The following WDPCP variants were observed in gnomAD, a reference collection of about 807,000 sequenced individuals.
The protein encoded by WDPCP is WD repeat containing planar cell polarity effector, also known as WD repeat-containing and planar cell polarity effector protein fritz homolog.
In WDPCP, 71 loss-of-function variants were observed where a neutral mutation model predicts 93.1. That is an observed-to-expected ratio of 0.76 (90% CI 0.63 to 0.93). WDPCP has a LOEUF of 0.93. Ranked by LOEUF, WDPCP falls within the 40% of genes least tolerant of loss-of-function variation. The pLI, the probability that WDPCP is intolerant of heterozygous loss-of-function variation, is 0.00. For synonymous variants in WDPCP, 315 were observed against 315.0 expected (o/e 1.00, Z 0.00); for missense variants, 844 against 887.4 (o/e 0.95, Z 0.62).
chr2:63,313,670 T>C (rs1686360691), intron 12 of WDPCP, among the ~76,000 whole-genome samples: 1 of 151,892 alleles, frequency 6.6e-6, no homozygotes, highest in Non-Finnish European at 1.5e-5. Context: ...TTGTGTTTAT[T>C]TTGTGAATGA....
At position 63,404,169 on chromosome 2, in the gene WDPCP, A is replaced by T. The variant is rs754774783; in HGVS notation, c.1314T>A (p.Leu438=). The part of the protein sequence containing the change: ...FSKLFDASSS[L]VQMQWIAPQV... ...GAGGAGCTATCCATTGCATTTGAAC[A>T]AGACTGCTGGAGGCATCAAATAATT... Residue 438 remains leucine (L), a synonymous_variant, in exon 10 of 18, where the codon CTT becomes CTA. Coordinates refer to ENST00000272321, the MANE Select transcript of WDPCP (RefSeq NM_015910.7). 1 of 1,614,138 alleles carries T rather than the reference A, an allele frequency of 6.2e-7. No individual in the cohort carries two copies. Among genetic ancestry groups the T allele is most frequent in the East Asian group, 2.2e-5 (1 of 44,884 alleles).
intron 14 of WDPCP, among the ~76,000 whole-genome samples, chr2:63,187,734 T>G (rs546094771): frequency 3.0e-4 from 46 of 152,338 alleles, no homozygotes; most frequent in Non-Finnish European, 5.9e-4. Context: ...ATACAAGAAT[T>G]AAAAGTGGAT....
At chr2:63,804,905 G>A (rs1670742626) in intron 2 of WDPCP, among the ~76,000 whole-genome samples, 1 of 151,984 alleles carries the variant, frequency 6.6e-6, no homozygotes. Flanking sequence ...GTGGGTGCCT[G>A]TAATTCCAGC....
chr2:63,132,382 T>C (rs1670346452), intron 17 of WDPCP, among the ~76,000 whole-genome samples: 1 of 151,922 alleles, frequency 6.6e-6, no homozygotes, highest in African/African-American at 2.4e-5. Flanking sequence ...TCTATTTCTA[T>C]CCTCAGATTG....
intron 6 of WDPCP, among the ~76,000 whole-genome samples, chr2:63,470,685 T>C (rs1472200151): frequency 1.3e-5 from 2 of 152,196 alleles, no homozygotes; most frequent in Non-Finnish European, 2.9e-5. Context: ...TTGAAACATA[T>C]TTCTCCACTC....
intron 3 of WDPCP, chr2:63,595,344 T>C: frequency 1.1e-6 from 1 of 897,658 alleles, no homozygotes. Context: ...ACATACCAAA[T>C]AAAAACTATG....
intron 2 of WDPCP, among the ~76,000 whole-genome samples, chr2:63,787,031 G>A (rs1670476941): frequency 6.6e-6 from 1 of 152,152 alleles, no homozygotes; most frequent in Admixed American, 6.6e-5. Context: ...TACATTCGTT[G>A]ATCATGACAA....
intron 3 of WDPCP, among the ~76,000 whole-genome samples, chr2:63,635,212 A>C (rs1207461313): frequency 1.3e-5 from 2 of 152,088 alleles, no homozygotes; most frequent in African/African-American, 4.8e-5. Context: ...AATAATAAGA[A>C]CATTGAATCA....
chr2:63,390,847 T>C (rs1045340099), intron 10 of WDPCP, among the ~76,000 whole-genome samples: 1 of 152,098 alleles, frequency 6.6e-6, no homozygotes, highest in African/African-American at 2.4e-5. Flanking sequence ...CAGAAAGAAG[T>C]TGAATCTCTG....
chr2:63,364,905 T>C (rs1411043891), intron 12 of WDPCP, among the ~76,000 whole-genome samples: 1 of 152,184 alleles, frequency 6.6e-6, no homozygotes, highest in Non-Finnish European at 1.5e-5. Context: ...GTAATACACT[T>C]TGAGGGATAT....
At chr2:63,809,502 G>A (rs1432096350) in intron 2 of WDPCP, among the ~76,000 whole-genome samples, 68 of 152,354 alleles carry the variant, frequency 4.5e-4, no homozygotes, top group African/African-American at 2.4e-4. Flanking sequence ...TTGAGAAATC[G>A]GATGGTTGCC....
At chr2:63,250,792 G>A (rs1455049300) in intron 14 of WDPCP, among the ~76,000 whole-genome samples, 2 of 152,144 alleles carry the variant, frequency 1.3e-5, no homozygotes, top group Non-Finnish European at 2.9e-5. Flanking sequence ...TATCCTTCAA[G>A]TATTTAGCCA....
intron 10 of WDPCP, among the ~76,000 whole-genome samples, chr2:63,390,119 A>T (rs1390802389): frequency 6.6e-6 from 1 of 152,222 alleles, no homozygotes; most frequent in Non-Finnish European, 1.5e-5. Context: ...CATTGCACTT[A>T]TTCTAAAATT....
upstream of WDPCP, chr2:63,588,993 T>C (rs763668296): frequency 3.7e-6 from 6 of 1,614,144 alleles, no homozygotes; most frequent in East Asian, 6.7e-5. Context: ...GTGACCTGAC[T>C]CTCTGAGGCT....
chr2:63,572,750 A>G (rs1373082389), intron 1 of WDPCP, among the ~76,000 whole-genome samples: 1 of 149,568 alleles, frequency 6.7e-6, no homozygotes, highest in African/African-American at 2.5e-5. Flanking sequence ...AATCACTAGC[A>G]AGAGAGTAAA....
chr2:63,510,858 C>T (rs945682707), intron 1 of WDPCP, among the ~76,000 whole-genome samples: 2 of 152,020 alleles, frequency 1.3e-5, no homozygotes, highest in Non-Finnish European at 2.9e-5. Flanking sequence ...TGCCTGTAGT[C>T]CCAGCTACTT....
intron 2 of WDPCP, among the ~76,000 whole-genome samples, chr2:63,711,922 C>G (rs1354300312): frequency 6.6e-6 from 1 of 152,176 alleles, no homozygotes; most frequent in Non-Finnish European, 1.5e-5. Flanking sequence ...AACTCCCTTG[C>G]TACTGCTGCT....
chr2:63,478,229 C>T (rs1430571786), intron 6 of WDPCP, among the ~76,000 whole-genome samples: 1 of 151,976 alleles, frequency 6.6e-6, no homozygotes, highest in Non-Finnish European at 1.5e-5. Context: ...TAGACAGCAA[C>T]ACAGTATTAG....
chr2:63,363,739 TA>T (rs1690673357), intron 12 of WDPCP, among the ~76,000 whole-genome samples: 1 of 51,702 alleles, frequency 1.9e-5, no homozygotes, highest in Admixed American at 2.1e-4. Flanking sequence ...AGGAAGAATA[TA>T]TTTTTTTAAC....
Sources: gnomAD v4.1 joint callset for allele counts (sites outside exome capture counted in the v4.1 genomes callset) on GRCh38, gnomAD v4.1.1 for gene constraint, MANE v1.5 for transcripts, NCBI Gene and HGNC (gene_info 2026-07-23, HGNC 2026-07-21) for gene names.